KMT2E: variants seen among roughly 807,000 people sequenced by gnomAD.
The protein encoded by KMT2E is histone reader KMT2E.
Under a neutral mutation model 184.6 loss-of-function variants are expected in KMT2E, and 30 were observed. The ratio of observed to expected loss-of-function variants is 0.16; its 90% confidence interval spans 0.12 to 0.22. The LOEUF is 0.22. Ranked by LOEUF, KMT2E falls within the 10% of genes least tolerant of loss-of-function variation. KMT2E has a pLI of 1.00. For synonymous variants in KMT2E, 815 were observed against 776.5 expected, an observed-to-expected ratio of 1.05 and a Z score of -0.82; for missense variants, 2,023 against 2,237.4, an observed-to-expected ratio of 0.90 and a Z score of 1.93.
At chr7:105,106,051 T>C (rs775550482) in intron 19 of KMT2E, 48 bp downstream of exon 19, 1 of 1,537,856 alleles carries the variant, frequency 6.5e-7, no homozygotes, top group South Asian at 1.2e-5. Context: ...TGGCAGGGCA[T>C]ACATACAGCT....
rs1206046791 is a variant in KMT2E, at chr7:105,112,234, G to A, written c.4478G>A (p.Arg1493Gln). The A allele has an allele frequency of 1.4e-5, 22 of 1,613,978 alleles. No individual in the cohort carries two copies. The highest frequency in any genetic ancestry group is 2.2e-5 in the East Asian group (1 of 44,888). The change falls in exon 27 of 27, where the codon CGA becomes CAA. Residue 1493 changes from arginine to glutamine, a missense_variant. Arg to Gln is a conservative substitution (Grantham distance 43). This residue lies in a region of KMT2E where 1,108 missense variants were observed against 1,050.9 expected (regional missense o/e 1.05). Transcript: ENST00000311117. ...TCACCTCAAGTTGGAACACCTCAGC[G>A]AGAGCCTCAAAGAAACTTTTATCCA... is the stretch of plus-strand genomic sequence containing the variant. ...SQSPQVGTPQ[R>Q]EPQRNFYPAA...
intron 1 of KMT2E, among the ~76,000 whole-genome samples, chr7:105,026,390 C>A (rs1327767596): frequency 1.3e-5 from 2 of 152,096 alleles, no homozygotes; most frequent in Non-Finnish European, 2.9e-5. Flanking sequence ...GATTTAAATT[C>A]TTTTTTAGGG....
At position 105,074,716 on chromosome 7, in the gene KMT2E, A is replaced by C. The variant is rs747303800; in HGVS notation, c.630A>C (p.Pro210=). 6.2e-7 allele frequency: 1 copy of C among 1,611,478 alleles called. No homozygotes were observed. Among genetic ancestry groups the C allele is most frequent in the South Asian group, 1.1e-5 (1 of 90,512 alleles). Residue 210 remains proline (P), a synonymous_variant, in exon 8 of 27, where the codon CCA becomes CCC. Coordinates refer to ENST00000311117, the MANE Select transcript of KMT2E (RefSeq NM_182931.3). ...VELYTAFQHT[P]TSITLTASRV... is the part of the protein sequence containing the mutation. ...TATATACTGCATTTCAGCATACTCC[A>C]ACATCAATTACTTTAACTGCTTCAA...
intron 15 of KMT2E, among the ~76,000 whole-genome samples, chr7:105,094,037 G>A (rs927713382): frequency 6.6e-6 from 1 of 152,142 alleles, no homozygotes; most frequent in African/African-American, 2.4e-5. Context: ...CTTCTAATTA[G>A]TTCATTTGCT....
At chr7:105,056,897 C>A (rs538617772) in intron 3 of KMT2E, among the ~76,000 whole-genome samples, 1 of 152,092 alleles carries the variant, frequency 6.6e-6, no homozygotes, top group Non-Finnish European at 1.5e-5. Context: ...ATATAAAAAA[C>A]CTCAAGTTCA....
rs573761465 is a variant in KMT2E, at chr7:105,090,108, G to A, written c.1458G>A (p.Glu486=). The change falls in exon 14 of 27, where the codon GAG becomes GAA. Residue 486 remains glutamate, a synonymous_variant. Transcript: ENST00000311117. ...ESMENINSGY[E]TRRKKGKKDK... ...TGGAAAATATCAATAGTGGTTATGAGACCAGACGGAAAAAAGGAAAAAAAG... is the reference window on the plus strand; with the variant it reads ...TGGAAAATATCAATAGTGGTTATGAAACCAGACGGAAAAAAGGAAAAAAAG... 8.7e-6 allele frequency: 14 copies of A among 1,613,466 alleles called. No homozygotes were observed. The East Asian group carries it at 2.5e-4, about 28-fold the overall frequency.
At chr7:105,016,436 CCTA>C (rs1794719856) in intron 1 of KMT2E, among the ~76,000 whole-genome samples, 1 of 152,104 alleles carries the variant, frequency 6.6e-6, no homozygotes, top group Non-Finnish European at 1.5e-5. Flanking sequence ...TGCCCATTTA[CCTA>C]TTATAGGATT....
At chr7:105,062,966 G>T in intron 4 of KMT2E, among the ~76,000 whole-genome samples, 2 of 149,276 alleles carry the variant, frequency 1.3e-5, no homozygotes, top group African/African-American at 2.5e-5. Flanking sequence ...TATTCTTTAG[G>T]CTCCATATTT....
rs201719817 is a variant in KMT2E at position 105,031,333 on chromosome 7, G to A, written c.-188-6793G>A. On this transcript the variant is annotated intron_variant, in intron 1 of 26. Coordinates refer to ENST00000311117, the MANE Select transcript of KMT2E (RefSeq NM_182931.3). ...GATGGCGCCATTGCATTCCAGCCTG[G>A]GCAACAAGAGCAAACTCCGTCTGAG... 2.0e-5 allele frequency among the ~76,000 whole-genome samples: 3 copies of A among 149,088 alleles called. No individual in the cohort carries two copies. The East Asian group carries it at 6.0e-4, about 30-fold the overall frequency.
intron 3 of KMT2E, among the ~76,000 whole-genome samples, chr7:105,041,699 G>A (rs1006115815): frequency 1.3e-5 from 2 of 151,992 alleles, no homozygotes; most frequent in African/African-American, 2.4e-5. Context: ...GCGCTCAGCC[G>A]GTGCTCGGGT....
chr7:105,058,804 A>C (rs1413695840), intron 3 of KMT2E, among the ~76,000 whole-genome samples: 1 of 152,212 alleles, frequency 6.6e-6, no homozygotes, highest in Non-Finnish European at 1.5e-5. Flanking sequence ...AATTTTGAAC[A>C]TTTTGAATTC....
At chr7:105,068,802 C>T (rs1463312499) in intron 6 of KMT2E, among the ~76,000 whole-genome samples, 3 of 151,960 alleles carry the variant, frequency 2.0e-5, no homozygotes, top group African/African-American at 7.3e-5. Flanking sequence ...ATTCGGTTCT[C>T]TTAAGATATA....
At chr7:105,092,230 A>G (rs746577691) in intron 15 of KMT2E, among the ~76,000 whole-genome samples, 18 of 152,334 alleles carry the variant, frequency 1.2e-4, no homozygotes, top group South Asian at 2.1e-4. Flanking sequence ...AGCCTGGTCA[A>G]CATGGCAAAA....
intron 12 of KMT2E, among the ~76,000 whole-genome samples, chr7:105,080,575 C>T (rs1584770708): frequency 6.6e-6 from 1 of 152,124 alleles, no homozygotes; most frequent in South Asian, 2.1e-4. Flanking sequence ...TTTATTTCTT[C>T]TCTGTGACTT....
intron 2 of KMT2E, 120 bp from the exon 3 acceptor site, chr7:105,040,715 TGAGA>T (rs539489330): frequency 2.9e-4 from 94 of 328,308 alleles, no homozygotes; most frequent in Admixed American, 8.6e-4. Flanking sequence ...GAAAAATTAA[TGAGA>T]GAGACTCTAA....
intron 8 of KMT2E, 133 bp downstream of exon 8, chr7:105,074,948 CAATT>C (rs1224390093): frequency 1.8e-5 from 11 of 621,256 alleles, no homozygotes; most frequent in African/African-American, 7.6e-5. Flanking sequence ...TATTTTTAAA[CAATT>C]AAACTTACTT....
intron 1 of KMT2E, among the ~76,000 whole-genome samples, chr7:105,027,303 G>A (rs901043239): frequency 5.3e-5 from 8 of 151,606 alleles, no homozygotes; most frequent in Non-Finnish European, 1.0e-4. Context: ...AGCCCATGCT[G>A]GTCTTTAACT....
At chr7:105,039,284 T>C (rs1795788893) in intron 2 of KMT2E, 1 of 152,180 alleles carries the variant, frequency 6.6e-6, no homozygotes, top group Non-Finnish European at 1.5e-5. Context: ...GTACTGAGGA[T>C]GGCATATTTA....
chr7:105,051,132 T>C (rs1302114484), intron 3 of KMT2E, among the ~76,000 whole-genome samples: 1 of 150,842 alleles, frequency 6.6e-6, no homozygotes, highest in Non-Finnish European at 1.5e-5. Context: ...TCCTTTCCTC[T>C]CTTCCTCCCT....
Sources: gnomAD v4.1 joint callset for allele counts (sites outside exome capture counted in the v4.1 genomes callset) on GRCh38, gnomAD v4.1.1 for gene constraint, gnomAD v4.1.1 regional missense constraint, MANE v1.5 for transcripts, NCBI Gene and HGNC (gene_info 2026-07-23, HGNC 2026-07-21) for gene names.